The following FAM184A variants were observed in gnomAD, a reference collection of about 807,000 sequenced individuals.
FAM184A encodes family with sequence similarity 184 member A.
FAM184A carries 99 observed loss-of-function variants against 143.8 expected under a neutral mutation model. The ratio of observed to expected loss-of-function variants is 0.69; its 90% CI spans 0.58 to 0.81. The LOEUF (loss-of-function observed/expected upper bound fraction) is 0.81. Ranked by LOEUF, FAM184A falls within the 40% of genes least tolerant of loss-of-function variation. The probability of loss-of-function intolerance (pLI) is 0.00; values close to 1 mark genes in which losing one functional copy is unlikely to be tolerated. For synonymous variants in FAM184A, 427 were observed against 446.4 expected, an observed-to-expected ratio of 0.96 and a Z score of 0.55; for missense variants, 1,217 against 1,310.5, an observed-to-expected ratio of 0.93 and a Z score of 1.10.
chr6:119,128,518 G>C (rs978314779), intron 1 of FAM184A, among the ~76,000 whole-genome samples: 4 of 152,060 alleles, frequency 2.6e-5, no homozygotes, highest in African/African-American at 9.7e-5. Flanking sequence ...TCTGTGCCTG[G>C]TTTGTTTCAA....
At chr6:119,041,881 G>A (rs1015668566) in intron 1 of FAM184A, among the ~76,000 whole-genome samples, 10 of 152,134 alleles carry the variant, frequency 6.6e-5, no homozygotes, top group Non-Finnish European at 1.2e-4. Context: ...ATGACCCACG[G>A]CTTCTAATAG....
chr6:119,050,753 C>T (rs1300629360), intron 1 of FAM184A, among the ~76,000 whole-genome samples: 6 of 150,464 alleles, frequency 4.0e-5, no homozygotes, highest in South Asian at 2.1e-4. Context: ...TGCAGTGAGC[C>T]GAGATTGCGC....
intron 5 of FAM184A, among the ~76,000 whole-genome samples, chr6:119,014,959 T>TGA (rs1785194062): frequency 6.6e-6 from 1 of 151,776 alleles, no homozygotes; most frequent in African/African-American, 2.4e-5. Flanking sequence ...CTCAGGAGGC[T>TGA]GAGGCAGGAG....
intron 10 of FAM184A, 25 bp from the exon 11 acceptor site, chr6:118,979,543 T>C (rs755316042): frequency 6.4e-7 from 1 of 1,568,938 alleles, no homozygotes; most frequent in Non-Finnish European, 8.6e-7. Context: ...ATTCAAATTA[T>C]TATGCTAGAA....
chr6:119,043,163 C>A (rs1786407477), intron 1 of FAM184A, among the ~76,000 whole-genome samples: 1 of 152,030 alleles, frequency 6.6e-6, no homozygotes. Flanking sequence ...TATGAAATAA[C>A]CTATAAATTC....
intron 11 of FAM184A, among the ~76,000 whole-genome samples, chr6:118,979,067 A>G (rs971930758): frequency 6.6e-6 from 1 of 152,204 alleles, no homozygotes; most frequent in Non-Finnish European, 1.5e-5. Flanking sequence ...TCTACTGAGC[A>G]GTGATTGATT....
intron 5 of FAM184A, 93 bp from the exon 6 acceptor site, chr6:119,011,524 GA>G (rs1785089238): frequency 3.7e-6 from 3 of 817,900 alleles, no homozygotes; most frequent in South Asian, 3.5e-5. Flanking sequence ...TTTGTATTTT[GA>G]AACTTTGCTC....
intron 1 of FAM184A, among the ~76,000 whole-genome samples, chr6:119,083,729 A>G (rs1788137850): frequency 6.6e-6 from 1 of 152,242 alleles, no homozygotes; most frequent in South Asian, 2.1e-4. Context: ...CTATATCACT[A>G]TCAGCATTTT....
intron 16 of FAM184A, 103 bp from the exon 17 acceptor site, chr6:118,962,066 CT>C: frequency 9.0e-7 from 1 of 1,115,082 alleles, no homozygotes; most frequent in Non-Finnish European, 1.3e-6. Context: ...ATTTTGGAAG[CT>C]TTATGTTAAA....
chr6:119,100,139 C>T (rs192255158), intron 1 of FAM184A, among the ~76,000 whole-genome samples: 8 of 152,108 alleles, frequency 5.3e-5, no homozygotes, highest in South Asian at 2.1e-4. Flanking sequence ...AATTCCCACA[C>T]GTCTGGTGTG....
At chr6:119,132,890 A>G (rs1438893266) in intron 1 of FAM184A, among the ~76,000 whole-genome samples, 1 of 152,202 alleles carries the variant, frequency 6.6e-6, no homozygotes, top group Non-Finnish European at 1.5e-5. Context: ...ACTGGGATGC[A>G]GATGTTCACA....
rs931048060 is a variant in FAM184A, at chr6:119,037,231, A to C, written c.160-12418T>G. On this transcript the variant is annotated intron_variant, in intron 1 of 17. Coordinates refer to ENST00000338891, the MANE Select transcript of FAM184A (RefSeq NM_024581.6). ...AGATTTTTTTCTTTCACATTTGAAC[A>C]TTTCTTAAATCAGGGTTCATCTTAC... 3.9e-5 allele frequency among the ~76,000 whole-genome samples: 6 copies of C among 152,308 alleles called. No individual in the cohort carries two copies. The East Asian group carries it at 7.7e-4, about 20-fold the overall frequency.
intron 14 of FAM184A, among the ~76,000 whole-genome samples, chr6:118,973,887 C>A (rs890431256): frequency 6.6e-6 from 1 of 151,992 alleles, no homozygotes; most frequent in African/African-American, 2.4e-5. Flanking sequence ...AATCATAAGA[C>A]AATTAGATGC....
chr6:119,042,565 T>A (rs986924845), intron 1 of FAM184A, among the ~76,000 whole-genome samples: 1 of 152,138 alleles, frequency 6.6e-6, no homozygotes, highest in African/African-American at 2.4e-5. Flanking sequence ...CACCAATAAT[T>A]TGGGGTAATT....
At position 118,961,663 on chromosome 6, in the gene FAM184A, C is replaced by G. The variant is rs992964650; in HGVS notation, c.3341+98G>C. On this transcript the variant is annotated intron_variant, in intron 17 of 17. Coordinates refer to ENST00000338891, the MANE Select transcript of FAM184A (RefSeq NM_024581.6). ...AAGAAAATATTTCATAGTAATTTTT[C>G]TTAGGTTGTTCTTAAAGTAGTGATT... The G allele has an allele frequency of 5.1e-6, 5 of 973,900 alleles. No individual in the cohort carries two copies. The Admixed American group carries it at 9.0e-5, about 18-fold the overall frequency. The allele number at this position is 973,900 out of a possible 1,614,324, so 60.3% of individuals were successfully genotyped here.
At chr6:119,137,529 G>T (rs909948431) in intron 1 of FAM184A, among the ~76,000 whole-genome samples, 2 of 152,102 alleles carry the variant, frequency 1.3e-5, no homozygotes, top group Non-Finnish European at 2.9e-5. Context: ...GTCACATTGG[G>T]GGTTAGGGAT....
intron 9 of FAM184A, among the ~76,000 whole-genome samples, chr6:118,990,186 C>T (rs1784333109): frequency 6.6e-6 from 1 of 152,164 alleles, no homozygotes; most frequent in South Asian, 2.1e-4. Context: ...AAAATTTATA[C>T]CATTTACTTA....
chr6:119,051,585 TTGAC>T (rs1786767226), intron 1 of FAM184A, among the ~76,000 whole-genome samples: 1 of 152,228 alleles, frequency 6.6e-6, no homozygotes, highest in Non-Finnish European at 1.5e-5. Context: ...TCCATTTTCA[TTGAC>T]ATGCTTATTT....
chr6:119,061,247 C>A lies in FAM184A; in HGVS notation c.159+16894G>T, dbSNP rs886637064. Among the ~76,000 whole-genome samples, 6 of 152,274 alleles carry A rather than the reference C, an allele frequency of 3.9e-5. No homozygotes were observed. In the East Asian group the frequency reaches 7.7e-4, roughly 20 times the overall value. On this transcript the variant is annotated intron_variant, in intron 1 of 17. Coordinates refer to ENST00000338891, the MANE Select transcript of FAM184A (RefSeq NM_024581.6). ...ATCGGAAAGCTAGAAGAAAGATTAC[C>A]ATCTTTAGGACCTTTGGTTGATGAA...
Sources: gnomAD v4.1 joint callset for allele counts (sites outside exome capture counted in the v4.1 genomes callset) on GRCh38, gnomAD v4.1.1 for gene constraint, MANE v1.5 for transcripts, NCBI Gene and HGNC (gene_info 2026-07-23, HGNC 2026-07-21) for gene names.